BACH2: variants seen among roughly 807,000 people sequenced by gnomAD.
BACH2 encodes the protein BACH transcriptional regulator 2.
BACH2 carries 5 observed loss-of-function variants against 61.8 expected under a neutral mutation model. The ratio of observed to expected loss-of-function variants is 0.08; its 90% confidence interval spans 0.04 to 0.17. BACH2 has a LOEUF of 0.17. BACH2 is among the 10% of genes least tolerant of loss of function. The pLI is 1.00. For missense variants in BACH2, 824 were observed against 1,091.1 expected (o/e 0.76, Z 3.45); for synonymous variants, 446 against 440.1 (o/e 1.01, Z -0.17).
chr6:90,133,689 C>G (rs1257216685), intron 4 of BACH2, among the ~76,000 whole-genome samples: 2 of 152,112 alleles, frequency 1.3e-5, no homozygotes, highest in African/African-American at 4.8e-5. Flanking sequence ...TATCCCTCCA[C>G]CCTCCCCACA....
At chr6:90,203,391 C>A (rs1425560283) in intron 4 of BACH2, among the ~76,000 whole-genome samples, 1 of 59,786 alleles carries the variant, frequency 1.7e-5, no homozygotes, top group Admixed American at 2.3e-4. Flanking sequence ...TCTCTCTCTC[C>A]AAAAAAAAAA....
intron 3 of BACH2, among the ~76,000 whole-genome samples, chr6:90,219,438 GTTTCTT>G (rs1277403921): frequency 6.6e-6 from 1 of 152,154 alleles, no homozygotes; most frequent in Non-Finnish European, 1.5e-5. Context: ...GGAGCTGTGT[GTTTCTT>G]TTTCTCTCTC....
chr6:90,055,920 C>T (rs543820418), intron 5 of BACH2, among the ~76,000 whole-genome samples: 2,957 of 152,178 alleles, frequency 0.019, 37 homozygotes, highest in Non-Finnish European at 0.03. Context: ...CAAGCAAATG[C>T]TGAGAGATTT....
At chr6:90,064,241 A>C (rs1383948418) in intron 5 of BACH2, among the ~76,000 whole-genome samples, 1 of 152,192 alleles carries the variant, frequency 6.6e-6, no homozygotes, top group South Asian at 2.1e-4. Flanking sequence ...AAGAGGAAAT[A>C]ACTTTCAGTA....
At chr6:89,933,240 C>T (rs1772787960) in intron 8 of BACH2, among the ~76,000 whole-genome samples, 1 of 151,990 alleles carries the variant, frequency 6.6e-6, no homozygotes, top group Non-Finnish European at 1.5e-5. Context: ...ACTCTCAGTC[C>T]CAATCTTGTG....
At chr6:90,014,493 T>TTTTA (rs1283883027) in intron 5 of BACH2, among the ~76,000 whole-genome samples, 1 of 121,450 alleles carries the variant, frequency 8.2e-6, no homozygotes, top group East Asian at 2.5e-4. Flanking sequence ...TTTTTTTTTT[T>TTTTA]AGACAGATTC....
At chr6:90,226,676 C>T (rs1582507934) in intron 3 of BACH2, among the ~76,000 whole-genome samples, 1 of 152,102 alleles carries the variant, frequency 6.6e-6, no homozygotes, top group East Asian at 1.9e-4. Flanking sequence ...GTCAATCAAA[C>T]ACAGAGCCCA....
chr6:90,037,594 T>C (rs1377215789), intron 5 of BACH2, among the ~76,000 whole-genome samples: 1 of 152,196 alleles, frequency 6.6e-6, no homozygotes, highest in East Asian at 1.9e-4. Flanking sequence ...ACGCTTCACA[T>C]ATCAGTCACT....
At chr6:90,226,681 A>G (rs991544263) in intron 3 of BACH2, among the ~76,000 whole-genome samples, 3 of 152,112 alleles carry the variant, frequency 2.0e-5, no homozygotes, top group African/African-American at 7.2e-5. Context: ...TCAAACACAG[A>G]GCCCAAGTCC....
At chr6:90,116,918 T>A (rs1455802171) in intron 4 of BACH2, 1 of 487,528 alleles carries the variant, frequency 2.1e-6, no homozygotes, top group East Asian at 5.2e-5. Context: ...CTCTGACCAT[T>A]CCCTATGTCC....
intron 4 of BACH2, among the ~76,000 whole-genome samples, chr6:90,164,877 A>G (rs896240320): frequency 3.5e-4 from 53 of 152,230 alleles, no homozygotes; most frequent in Non-Finnish European, 4.6e-4. Context: ...TTCATGCTAA[A>G]AACTCTCAAT....
chr6:90,275,101 AT>A (rs1450429003), intron 1 of BACH2, among the ~76,000 whole-genome samples: 2 of 152,246 alleles, frequency 1.3e-5, no homozygotes, highest in Non-Finnish European at 2.9e-5. Flanking sequence ...GATGAATGCA[AT>A]TCACATGTTT....
rs1220788896 is a variant in BACH2 at position 90,021,591 on chromosome 6, C to G, written c.-12-12735G>C. Among the ~76,000 whole-genome samples, 9 of 152,188 alleles carry G rather than the reference C, an allele frequency of 5.9e-5. 1 individual carries two copies. Among genetic ancestry groups the G allele is most frequent in the South Asian group, 4.1e-4 (2 of 4,824 alleles). ...TAAATTCCTGCTCTTATAAAACATGCTTTTAAAAAAAGTTATTTACTGTAA... is the reference window on the plus strand; with the variant it reads ...TAAATTCCTGCTCTTATAAAACATGGTTTTAAAAAAAGTTATTTACTGTAA... On this transcript the variant is annotated intron_variant, in intron 5 of 8. Transcript: ENST00000257749.
At chr6:90,288,807 C>G (rs943327733) in intron 1 of BACH2, among the ~76,000 whole-genome samples, 1 of 152,174 alleles carries the variant, frequency 6.6e-6, no homozygotes, top group Non-Finnish European at 1.5e-5. Flanking sequence ...TGGTAGAATA[C>G]TCTACCTCTT....
intron 4 of BACH2, among the ~76,000 whole-genome samples, chr6:90,190,814 C>G (rs908890207): frequency 1.3e-5 from 2 of 152,192 alleles, no homozygotes; most frequent in Admixed American, 1.3e-4. Context: ...AGGCTAAGAC[C>G]CCAGACCAAC....
At chr6:90,226,694 A>G (rs960572157) in intron 3 of BACH2, among the ~76,000 whole-genome samples, 3 of 152,086 alleles carry the variant, frequency 2.0e-5, no homozygotes, top group African/African-American at 7.2e-5. Flanking sequence ...CCAAGTCCTT[A>G]GAATTTTTTT....
At chr6:90,127,190 C>G (rs1031899259) in intron 4 of BACH2, among the ~76,000 whole-genome samples, 33 of 152,354 alleles carry the variant, frequency 2.2e-4, no homozygotes, top group African/African-American at 7.2e-4. Flanking sequence ...TTTTCCAGCC[C>G]ATACACACTG....
intron 6 of BACH2, among the ~76,000 whole-genome samples, chr6:89,996,513 T>C (rs541060422): frequency 5.9e-5 from 9 of 152,322 alleles, no homozygotes; most frequent in East Asian, 3.9e-4. Context: ...AGTGAGACCA[T>C]ATTTTGACTT....
intron 6 of BACH2, among the ~76,000 whole-genome samples, chr6:89,961,742 C>T (rs1358224739): frequency 6.6e-6 from 1 of 152,012 alleles, no homozygotes; most frequent in African/African-American, 2.4e-5. Context: ...TCTTGTTACT[C>T]TCCTCTGAAC....
Sources: gnomAD v4.1 joint callset for allele counts (sites outside exome capture counted in the v4.1 genomes callset) on GRCh38, gnomAD v4.1.1 for gene constraint, MANE v1.5 for transcripts, NCBI Gene and HGNC (gene_info 2026-07-23, HGNC 2026-07-21) for gene names.